Variants in INIP observed in about 807,000 individuals in gnomAD.
INIP encodes the protein SOSS complex subunit C.
INIP carries 9 observed loss-of-function variants against 14.0 expected under a neutral mutation model. That is an observed-to-expected ratio of 0.64 (90% CI 0.39 to 1.12). The LOEUF is 1.12. Among genes scored for constraint, INIP ranks in the 50% most tolerant of loss-of-function variants. INIP has a pLI of 0.01. For synonymous variants in INIP, 37 were observed against 41.5 expected, an observed-to-expected ratio of 0.89 and a Z score of 0.41; for missense variants, 78 against 122.7, an observed-to-expected ratio of 0.64 and a Z score of 1.72.
At chr9:112,711,998 G>C (rs1375633167) in intron 2 of INIP, among the ~76,000 whole-genome samples, 1 of 152,208 alleles carries the variant, frequency 6.6e-6, no homozygotes, top group Non-Finnish European at 1.5e-5. Flanking sequence ...GGCAGAAACT[G>C]CAACTGGTGA....
At chr9:112,701,340 G>C (rs996215636) in intron 2 of INIP, among the ~76,000 whole-genome samples, 1 of 152,128 alleles carries the variant, frequency 6.6e-6, no homozygotes, top group African/African-American at 2.4e-5. Context: ...CCACTAAGGA[G>C]AGTTATGTTG....
Position 112,716,862 on chromosome 9 carries a change from G to A in INIP, c.-56-321C>T, listed in dbSNP as rs1838837305. The stretch of plus-strand genomic sequence containing the variant: ...CCCAGCTACTCGGGAGGGCGAGACG[G>A]GAGAATCACTTGAACCCGGGTGGCG... On this transcript the variant is annotated intron_variant, in intron 1 of 4. Coordinates refer to ENST00000374242, the MANE Select transcript of INIP (RefSeq NM_021218.3). 2.0e-5 allele frequency among the ~76,000 whole-genome samples: 3 copies of A among 151,996 alleles called. No individual in the cohort carries two copies. In the South Asian group the frequency reaches 6.3e-4, roughly 32 times the overall value.
intron 3 of INIP, among the ~76,000 whole-genome samples, chr9:112,692,006 AAAAAAAAAGAAAAAAG>A (rs1274081114): frequency 1.3e-5 from 2 of 151,264 alleles, no homozygotes; most frequent in Non-Finnish European, 2.9e-5. Flanking sequence ...ACCCTGTCTC[AAAAAAAAAGAAAAAAG>A]AAAAAAAAGA....
Position 112,689,089 on chromosome 9 carries a change from A to G in INIP, c.219+438T>C, listed in dbSNP as rs568880700. On this transcript the variant is annotated intron_variant, in intron 4 of 4. Transcript: ENST00000374242. ...TCTAGTCCTATAGTAAGAGTTAGCT[A>G]TGAAATATTTCCTGCACAACAGTTG... Among the ~76,000 whole-genome samples the G allele has an allele frequency of 2.6e-5, 4 of 152,300 alleles. No homozygotes were observed. The South Asian group carries it at 8.3e-4, about 32-fold the overall frequency.
intron 2 of INIP, among the ~76,000 whole-genome samples, chr9:112,709,610 GTTA>G (rs1317167779): frequency 6.6e-6 from 1 of 152,152 alleles, no homozygotes; most frequent in Admixed American, 6.5e-5. Context: ...CACTATTATT[GTTA>G]TTATTATCTA....
At chr9:112,708,449 A>G (rs1838550079) in intron 2 of INIP, among the ~76,000 whole-genome samples, 2 of 152,208 alleles carry the variant, frequency 1.3e-5, no homozygotes, top group Non-Finnish European at 2.9e-5. Context: ...AACGGATCCA[A>G]TAGCTATTTA....
intron 2 of INIP, among the ~76,000 whole-genome samples, chr9:112,707,946 T>C (rs892250654): frequency 1.2e-4 from 19 of 152,244 alleles, no homozygotes; most frequent in African/African-American, 4.6e-4. Context: ...GACTAAGCCC[T>C]CTTTCAGATC....
intron 2 of INIP, among the ~76,000 whole-genome samples, chr9:112,710,717 A>G (rs1459166709): frequency 6.6e-6 from 1 of 152,254 alleles, no homozygotes; most frequent in Non-Finnish European, 1.5e-5. Flanking sequence ...CATAATAAGT[A>G]AAATCTATTT....
intron 2 of INIP, among the ~76,000 whole-genome samples, chr9:112,707,330 C>A (rs1838508816): frequency 7.5e-6 from 1 of 132,656 alleles, no homozygotes; most frequent in Non-Finnish European, 1.6e-5. Context: ...CTGTTTCAAA[C>A]TTTTTTTTTT....
intron 2 of INIP, among the ~76,000 whole-genome samples, chr9:112,699,153 T>TA (rs1024494902): frequency 1.1e-4 from 17 of 150,276 alleles, no homozygotes; most frequent in African/African-American, 2.2e-4. Flanking sequence ...CCCTATCTCT[T>TA]AAAAAAAAAA....
At chr9:112,717,928 A>C (rs1838880865) in intron 1 of INIP, 59 bp downstream of exon 1, 1 of 152,664 alleles carries the variant, frequency 6.6e-6, no homozygotes, top group South Asian at 2.1e-4. Context: ...CGGCGGCGAC[A>C]GGTTAGCACC....
chr9:112,687,395 C>T lies in INIP; in HGVS notation c.*143G>A, dbSNP rs1837712654. On this transcript the variant is annotated 3_prime_UTR_variant, in exon 5 of 5. Coordinates refer to ENST00000374242, the MANE Select transcript of INIP (RefSeq NM_021218.3). ...TCCTGGTTATTCTTCTTTCAGCTTT[C>T]ACTTACACATTCCTTTCTTTCAGAC... The T allele has an allele frequency of 1.7e-6, 1 of 572,850 alleles. No homozygotes were observed. Among genetic ancestry groups the T allele is most frequent in the Non-Finnish European group, 3.2e-6 (1 of 312,520 alleles). 35.5% of individuals were successfully genotyped at this position (572,850 alleles called of 1,614,324 possible). A position where few individuals can be genotyped will look rare whatever the true frequency, so the allele number is the denominator to read the frequency against.
rs115494839 is a variant in INIP, at chr9:112,708,144, A to G, written c.25+8317T>C. On this transcript the variant is annotated intron_variant, in intron 2 of 4. Transcript: ENST00000374242. ...AACATGAGTAGTCTGAAATAAAGAA[A>G]CCATTTGATGAGCATTTATAACAAT... is the stretch of plus-strand genomic sequence containing the variant. Among the ~76,000 whole-genome samples the G allele has an allele frequency of 7.0e-3, 1,073 of 152,326 alleles. 19 individuals carry two copies. Among genetic ancestry groups the G allele is most frequent in the African/African-American group, 0.025 (1,022 of 41,558 alleles).
chr9:112,694,318 T>C (rs1465729227), intron 2 of INIP, 85 bp from the exon 3 acceptor site: 2 of 785,732 alleles, frequency 2.5e-6, no homozygotes, highest in Non-Finnish European at 4.2e-6. Flanking sequence ...ACCTAAGTCA[T>C]CTAGAACCAA....
chr9:112,696,261 C>T (rs1339125570), intron 2 of INIP, among the ~76,000 whole-genome samples: 3 of 152,060 alleles, frequency 2.0e-5, no homozygotes, highest in African/African-American at 7.2e-5. Flanking sequence ...CATCCTAACT[C>T]CAATCCCTTT....
intron 3 of INIP, among the ~76,000 whole-genome samples, chr9:112,690,725 AAT>A (rs1378678715): frequency 6.6e-6 from 1 of 152,226 alleles, no homozygotes; most frequent in Non-Finnish European, 1.5e-5. Context: ...AAAGGTACAT[AAT>A]CTGGGCAACC....
In INIP at chr9:112,685,723, A is replaced by C. The variant is rs1837638104; in HGVS notation, c.*1815T>G. 1 of 152,182 alleles carries C rather than the reference A, an allele frequency of 6.6e-6. No homozygotes were observed. The highest frequency in any genetic ancestry group is 6.5e-5 in the Admixed American group (1 of 15,278). 9.4% of individuals were successfully genotyped at this position (152,182 alleles called of 1,614,324 possible). On this transcript the variant is annotated 3_prime_UTR_variant, in exon 5 of 5. Transcript: ENST00000374242. Reference sequence around the variant, plus strand: ...AGAGAACAGAAACCTAGTGAAATCAACTCAAGACAATGAGGGCTACCATAA... The same window carrying C: ...AGAGAACAGAAACCTAGTGAAATCACCTCAAGACAATGAGGGCTACCATAA...
Position 112,716,424 on chromosome 9 carries a change from GA to G in INIP, c.25+36del, listed in dbSNP as rs1422478249. 3.8e-6 allele frequency: 6 copies of G among 1,577,284 alleles called. No homozygotes were observed. In the African/African-American group the frequency reaches 6.7e-5, roughly 18 times the overall value. On this transcript the variant is annotated intron_variant, in intron 2 of 4. Transcript: ENST00000374242. ...ATTCAAATACATTTACTATATTGGG[GA>G]AATGTTCATAGTAAAGAAATTCCTG...
In INIP at chr9:112,687,561, A is replaced by G. The variant is rs1399063300; in HGVS notation, c.292T>C (p.Leu98=). ...SAFGNLILPV[L]PRLDPE is the part of the protein sequence containing the mutation. ...CTTCATTCTGGGTCAAGGCGAGGTA[A>G]AACAGGAAGAATAAGGTTCCCAAAT... Residue 98 remains leucine (L), a synonymous_variant, in exon 5 of 5, where the codon TTA becomes CTA. Coordinates refer to ENST00000374242, the MANE Select transcript of INIP (RefSeq NM_021218.3). The G allele has an allele frequency of 1.2e-6, 2 of 1,608,916 alleles. No individual in the cohort carries two copies. Among genetic ancestry groups the G allele is most frequent in the Non-Finnish European group, 1.7e-6 (2 of 1,175,876 alleles).
Sources: gnomAD v4.1 joint callset for allele counts (sites outside exome capture counted in the v4.1 genomes callset) on GRCh38, gnomAD v4.1.1 for gene constraint, MANE v1.5 for transcripts, NCBI Gene and HGNC (gene_info 2026-07-23, HGNC 2026-07-21) for gene names.